Variants in TRPC7 observed in about 807,000 individuals in gnomAD.
The protein encoded by TRPC7 is short transient receptor potential channel 7.
Under a neutral mutation model 90.1 loss-of-function variants are expected in TRPC7, and 42 were observed. The ratio of observed to expected loss-of-function variants is 0.47; its 90% CI spans 0.36 to 0.60. The LOEUF (loss-of-function observed/expected upper bound fraction) is 0.60. Ranked by LOEUF, TRPC7 falls within the 20% of genes least tolerant of loss-of-function variation. TRPC7 has a pLI of 0.00. For synonymous variants in TRPC7, 451 were observed against 436.3 expected (o/e 1.03, Z -0.42); for missense variants, 955 against 1,112.3 (o/e 0.86, Z 2.01).
At chr5:136,337,702 C>A (rs1759710852) in intron 2 of TRPC7, among the ~76,000 whole-genome samples, 1 of 151,374 alleles carries the variant, frequency 6.6e-6, no homozygotes, top group South Asian at 2.1e-4. Context: ...GGACAGAAGA[C>A]TTCAAATTTC....
At chr5:136,313,413 ATCTATCTG>A (rs1411113543) in intron 3 of TRPC7, among the ~76,000 whole-genome samples, 34 of 151,554 alleles carry the variant, frequency 2.2e-4, no homozygotes, top group African/African-American at 8.2e-4. Flanking sequence ...CTATCTATCT[ATCTATCTG>A]TCTATCAAGT....
chr5:136,323,410 T>A lies in TRPC7; in HGVS notation c.781-7631A>T, dbSNP rs376819743. Among the ~76,000 whole-genome samples the A allele has an allele frequency of 3.3e-5, 5 of 152,360 alleles. 1 individual carries two copies. In the East Asian group the frequency reaches 9.6e-4, roughly 29 times the overall value. On this transcript the variant is annotated intron_variant, in intron 2 of 11. Coordinates refer to ENST00000513104, the MANE Select transcript of TRPC7 (RefSeq NM_020389.3). ...ATGTTACAATTAAGAAATCTTTTCT[T>A]AATGCAAGGTCATAAATGTGTCCTC...
chr5:136,291,359 A>G (rs1351308569), intron 3 of TRPC7, among the ~76,000 whole-genome samples: 3 of 152,176 alleles, frequency 2.0e-5, no homozygotes, highest in African/African-American at 7.2e-5. Flanking sequence ...ATTGGATAAA[A>G]AGTCAAGACC....
At position 136,224,291 on chromosome 5, in the gene TRPC7, T is replaced by G. The variant is rs577424847; in HGVS notation, c.2343+983A>C. 4.6e-5 allele frequency among the ~76,000 whole-genome samples: 7 copies of G among 152,342 alleles called. No individual in the cohort carries two copies. In the South Asian group the frequency reaches 1.2e-3, roughly 27 times the overall value. ...ATTGATCATCTGTAGCTATCGTTTA[T>G]CACTGGCGCATGGGCTGATCCAAAC... On this transcript the variant is annotated intron_variant, in intron 10 of 11. Coordinates refer to ENST00000513104, the MANE Select transcript of TRPC7 (RefSeq NM_020389.3).
chr5:136,289,880 G>A (rs371394415), intron 3 of TRPC7, among the ~76,000 whole-genome samples: 2 of 152,230 alleles, frequency 1.3e-5, no homozygotes, highest in African/African-American at 4.8e-5. Context: ...AGCCTAACTG[G>A]GAGGCACCCC....
At chr5:136,295,324 C>T (rs867289614) in intron 3 of TRPC7, among the ~76,000 whole-genome samples, 13 of 152,084 alleles carry the variant, frequency 8.5e-5, no homozygotes, top group African/African-American at 2.4e-4. Context: ...TATTATGTTG[C>T]TTTTATTAAA....
chr5:136,229,823 AC>A (rs781697895), intron 8 of TRPC7, among the ~76,000 whole-genome samples: 4 of 152,222 alleles, frequency 2.6e-5, no homozygotes, highest in Admixed American at 6.5e-5. Context: ...ACAGAGGTGC[AC>A]CAGGAAATGT....
chr5:136,261,293 G>A (rs1393117402), intron 5 of TRPC7, among the ~76,000 whole-genome samples: 1 of 152,218 alleles, frequency 6.6e-6, no homozygotes, highest in East Asian at 1.9e-4. Flanking sequence ...GGTGCCTGAT[G>A]TATAATATAG....
chr5:136,267,182 G>A (rs992487560), intron 4 of TRPC7, among the ~76,000 whole-genome samples: 1 of 152,118 alleles, frequency 6.6e-6, no homozygotes, highest in African/African-American at 2.4e-5. Flanking sequence ...TCCAAAAGAT[G>A]CCCTATTAGG....
At chr5:136,352,080 AG>A (rs1159079575) in intron 2 of TRPC7, among the ~76,000 whole-genome samples, 1 of 152,190 alleles carries the variant, frequency 6.6e-6, no homozygotes, top group African/African-American at 2.4e-5. Flanking sequence ...GTTATTCTTT[AG>A]AACCACCAGA....
At chr5:136,301,923 T>G (rs556540617) in intron 3 of TRPC7, among the ~76,000 whole-genome samples, 1 of 152,320 alleles carries the variant, frequency 6.6e-6, no homozygotes, top group Non-Finnish European at 1.5e-5. Context: ...AAGATCCACC[T>G]ACGACCTCAG....
chr5:136,240,955 A>T (rs1756143883), intron 7 of TRPC7, among the ~76,000 whole-genome samples: 1 of 152,144 alleles, frequency 6.6e-6, no homozygotes, highest in African/African-American at 2.4e-5. Context: ...CTCTAAGCCG[A>T]GTACGTGAAG....
intron 7 of TRPC7, among the ~76,000 whole-genome samples, chr5:136,232,120 CTT>C (rs1755837232): frequency 6.6e-6 from 1 of 152,170 alleles, no homozygotes; most frequent in South Asian, 2.1e-4. Flanking sequence ...TGTGGTATCA[CTT>C]TTCTCTTACT....
chr5:136,347,503 T>C (rs1760047904), intron 2 of TRPC7, among the ~76,000 whole-genome samples: 1 of 152,216 alleles, frequency 6.6e-6, no homozygotes, highest in African/African-American at 2.4e-5. Flanking sequence ...AAAAATTTAC[T>C]TAGTTCATGC....
chr5:136,361,378 T>A (rs1760564235), intron 1 of TRPC7, among the ~76,000 whole-genome samples: 1 of 152,164 alleles, frequency 6.6e-6, no homozygotes. Context: ...CAAAACCATA[T>A]ATGAGAGGAG....
chr5:136,271,741 C>G (rs1247512155), intron 4 of TRPC7, among the ~76,000 whole-genome samples: 3 of 152,162 alleles, frequency 2.0e-5, no homozygotes, highest in African/African-American at 7.2e-5. Flanking sequence ...TCCCATGCTC[C>G]AGGCCTGCAT....
chr5:136,213,269 G>GC lies in TRPC7; in HGVS notation c.*165dup. 2.8e-6 allele frequency: 2 copies of GC among 708,738 alleles called. No individual in the cohort carries two copies. The highest frequency in any genetic ancestry group is 3.9e-5 in the South Asian group (2 of 51,744). 43.9% of individuals were successfully genotyped at this position (708,738 alleles called of 1,614,324 possible). A position where few individuals can be genotyped will look rare whatever the true frequency, so the allele number is the denominator to read the frequency against. On this transcript the variant is annotated 3_prime_UTR_variant, in exon 12 of 12. Coordinates refer to ENST00000513104, the MANE Select transcript of TRPC7 (RefSeq NM_020389.3). ...TCACAGCAGTTCTGGGTCTAGGCAG[G>GC]CCAGCGGGCTGGAGATGTCAGTCAT...
intron 7 of TRPC7, among the ~76,000 whole-genome samples, chr5:136,233,271 T>C (rs1466234259): frequency 6.6e-6 from 1 of 152,228 alleles, no homozygotes; most frequent in East Asian, 1.9e-4. Context: ...AATAATTTAG[T>C]TGGGTGTTTA....
chr5:136,217,251 G>T (rs1055657422), intron 10 of TRPC7, among the ~76,000 whole-genome samples: 4 of 152,232 alleles, frequency 2.6e-5, no homozygotes, highest in Non-Finnish European at 5.9e-5. Context: ...TTTCCAGTTT[G>T]AAGAGACCTG....
Sources: gnomAD v4.1 joint callset for allele counts (sites outside exome capture counted in the v4.1 genomes callset) on GRCh38, gnomAD v4.1.1 for gene constraint, MANE v1.5 for transcripts, NCBI Gene and HGNC (gene_info 2026-07-23, HGNC 2026-07-21) for gene names.